FOXI3: variants seen among roughly 807,000 people sequenced by gnomAD.
FOXI3 encodes the protein forkhead box protein I3.
In FOXI3, 4 loss-of-function variants were observed where a neutral mutation model predicts 15.6. That is an observed-to-expected ratio of 0.26 (90% confidence interval 0.13 to 0.59). The LOEUF (loss-of-function observed/expected upper bound fraction) is 0.59, where lower values mean the gene tolerates loss of function less well. FOXI3 is among the 20% of genes least tolerant of loss of function. The pLI, the probability that FOXI3 is intolerant of heterozygous loss-of-function variation, is 0.90. For synonymous variants in FOXI3, 238 were observed against 244.4 expected, an observed-to-expected ratio of 0.97 and a Z score of 0.25; for missense variants, 489 against 548.2, an observed-to-expected ratio of 0.89 and a Z score of 1.08.
At chr2:88,450,721 G>C (rs1284527159) in intron 1 of FOXI3, among the ~76,000 whole-genome samples, 3 of 152,056 alleles carry the variant, frequency 2.0e-5, no homozygotes, top group Non-Finnish European at 4.4e-5. Flanking sequence ...TTCTAGAACT[G>C]CATACCCTGC....
In FOXI3 at chr2:88,448,607, G is replaced by T; in HGVS notation, c.863C>A (p.Pro288Gln). The change falls in exon 2 of 2, where the codon CCA (proline) becomes CAA (glutamine). Residue 288 changes from proline to glutamine, a missense_variant. This residue lies in a region of FOXI3 where 263 missense variants were observed against 285.5 expected (regional missense o/e 0.92). Transcript: ENST00000428390. The stretch of plus-strand genomic sequence containing the variant: ...ACTCTTGGTGCCCTCCGGAGGCTCT[G>T]GGGAGTGGGAAGGCCTCAGCAGAGT... ...PSTLLRPSHSPEPPEGTKSTA... is the reference protein window; with the variant it reads ...PSTLLRPSHSQEPPEGTKSTA... The T allele has an allele frequency of 6.4e-7, 1 of 1,551,632 alleles. No individual in the cohort carries two copies. The highest frequency in any genetic ancestry group is 1.4e-5 in the African/African-American group (1 of 73,176).
chr2:88,452,201 G>C lies in FOXI3; in HGVS notation c.335C>G (p.Pro112Arg), dbSNP rs1573327363. Residue 112 changes from proline (P) to arginine (R), a missense_variant, in exon 1 of 2, where the codon CCC becomes CGC. By Grantham distance (103) the Pro-to-Arg change is moderately radical. Transcript: ENST00000428390. Reference protein sequence around the residue: ...FGCSQRPFAQPAPAAPASPAA... With the variant: ...FGCSQRPFAQRAPAAPASPAA... ...GGGCGAGGCGGGCGCGGCGGGCGCG[G>C]GCTGCGCGAAGGGCCGCTGAGAGCA... 2.5e-6 allele frequency: 3 copies of C among 1,196,830 alleles called. No individual in the cohort carries two copies. In the East Asian group the frequency reaches 1.2e-4, roughly 47 times the overall value. 74.1% of individuals were successfully genotyped at this position (1,196,830 alleles called of 1,614,324 possible).
Position 88,447,825 on chromosome 2 carries a change from C to T in FOXI3, c.*382G>A. On this transcript the variant is annotated 3_prime_UTR_variant, in exon 2 of 2. Transcript: ENST00000428390. ...TGCCAACTGATGTTAGTTTTCTCAC[C>T]CAGTAACTTCGTTGGCTTGTGTTTT... The T allele has an allele frequency of 4.7e-6, 1 of 211,142 alleles. No individual in the cohort carries two copies. Among genetic ancestry groups the T allele is most frequent in the East Asian group, 1.0e-4 (1 of 9,974 alleles). 13.1% of individuals were successfully genotyped at this position (211,142 alleles called of 1,614,324 possible).
chr2:88,448,201 T>A lies in FOXI3; in HGVS notation c.*6A>T. ...AGGTGTGCATACTCAAGTCTGAGAG[T>A]CTGCTCTACACCTCGGAGCCCTCTC... On this transcript the variant is annotated 3_prime_UTR_variant, in exon 2 of 2. Transcript: ENST00000428390. 6.5e-7 allele frequency: 1 copy of A among 1,550,020 alleles called. No individual in the cohort carries two copies.
Position 88,448,848 on chromosome 2 carries a change from C to T in FOXI3, c.641-19G>A, listed in dbSNP as rs753462098. 45 of 1,538,312 alleles carry T rather than the reference C, an allele frequency of 2.9e-5. No individual in the cohort carries two copies. The highest frequency in any genetic ancestry group is 3.7e-5 in the Non-Finnish European group (42 of 1,139,876). On this transcript the variant is annotated intron_variant, in intron 1 of 1. Coordinates refer to ENST00000428390, the MANE Select transcript of FOXI3 (RefSeq NM_001135649.3). ...CCCTTTCCTGAGAAGATGAGAAAGA[C>T]CAAGTTAGAGAAGGACCTATTCAAT...
intron 1 of FOXI3, among the ~76,000 whole-genome samples, chr2:88,451,657 G>A (rs1426659302): frequency 2.0e-5 from 3 of 152,174 alleles, no homozygotes; most frequent in Non-Finnish European, 2.9e-5. Flanking sequence ...TAATTGGCCC[G>A]CCTCTGCGAA....
intron 1 of FOXI3, among the ~76,000 whole-genome samples, chr2:88,449,188 C>T (rs1675999213): frequency 1.3e-5 from 2 of 149,442 alleles, no homozygotes; most frequent in Non-Finnish European, 1.5e-5. Flanking sequence ...TAAAGTTGAG[C>T]GTTAGACTGG....
Position 88,452,284 on chromosome 2 carries a change from GGGCGGC to G in FOXI3, c.246_251del (p.Pro84_Pro85del). On this transcript the variant is annotated inframe_deletion, in exon 1 of 2. Coordinates refer to ENST00000428390, the MANE Select transcript of FOXI3 (RefSeq NM_001135649.3). ...GAAAGGGCCCGGCCGCGGCCCCGGG[GGGCGGC>G]GGCGGCGGCGGAGCGCCCAGGTACG... 1 of 982,414 alleles carries G rather than the reference GGGCGGC, an allele frequency of 1.0e-6. No homozygotes were observed. Among genetic ancestry groups the G allele is most frequent in the Non-Finnish European group, 1.2e-6 (1 of 829,388 alleles). 60.9% of individuals were successfully genotyped at this position (982,414 alleles called of 1,614,324 possible).
chr2:88,448,177 G>A lies in FOXI3; in HGVS notation c.*30C>T, dbSNP rs962271014. The A allele has an allele frequency of 3.8e-5, 58 of 1,540,420 alleles. No individual in the cohort carries two copies. Among genetic ancestry groups the A allele is most frequent in the Non-Finnish European group, 4.8e-5 (55 of 1,139,038 alleles). On this transcript the variant is annotated 3_prime_UTR_variant, in exon 2 of 2. Coordinates refer to ENST00000428390, the MANE Select transcript of FOXI3 (RefSeq NM_001135649.3). ...CTAATCAGCATGTGTGCACGCCTCA[G>A]GTGTGCATACTCAAGTCTGAGAGTC...
Position 88,452,090 on chromosome 2 carries a change from G to T in FOXI3, c.446C>A (p.Ser149Ter). 6.4e-7 allele frequency: 1 copy of T among 1,563,724 alleles called. No individual in the cohort carries two copies. The highest frequency in any genetic ancestry group is 8.7e-7 in the Non-Finnish European group (1 of 1,154,546). The change falls in exon 1 of 2, where the codon TCG (serine) becomes TAG (stop). Residue 149 changes from serine to a stop codon, truncating the protein, a stop_gained. Coordinates refer to ENST00000428390, the MANE Select transcript of FOXI3 (RefSeq NM_001135649.3). LOFTEE classifies it high-confidence loss of function. ...GGCCATGGCGATGAGCGCCGAATAC[G>T]AGTAGGGCGGCCGCACCATCTTCAT... ...DLMKMVRPPY[S>*]YSALIAMAIQ... is the part of the protein sequence containing the mutation.
Position 88,448,632 on chromosome 2 carries a change from T to G in FOXI3, c.838A>C (p.Thr280Pro). The G allele has an allele frequency of 6.4e-7, 1 of 1,551,524 alleles. No individual in the cohort carries two copies. The highest frequency in any genetic ancestry group is 8.7e-7 in the Non-Finnish European group (1 of 1,146,944). The change falls in exon 2 of 2, where the codon ACT (threonine) becomes CCT (proline). Residue 280 changes from threonine (T) to proline (P), a missense_variant. Physicochemically the swap from Thr to Pro is conservative, Grantham distance 38. Transcript: ENST00000428390. ...GGGGAGTGGGAAGGCCTCAGCAGAG[T>G]GGAGGGGCTCTCTTCTTCTGGCTTC... is the stretch of plus-strand genomic sequence containing the variant. ...GGKPEEESPS[T>P]LLRPSHSPEP...
Position 88,452,354 on chromosome 2 carries a change from A to G in FOXI3, c.182T>C (p.Val61Ala), listed in dbSNP as rs1676067183. The change falls in exon 1 of 2, where the codon GTG becomes GCG. Residue 61 changes from valine (V) to alanine (A), a missense_variant. Val to Ala is a moderately conservative substitution (Grantham distance 64, BLOSUM62 0). Transcript: ENST00000428390. The stretch of plus-strand genomic sequence containing the variant: ...GGCGGCGGCGGAGGGCGGGCCTCCC[A>G]CGCCGGGCCCGTTGAGCCACAGGTA... ...NPYLWLNGPG[V>A]GGPPSAAAAA... 1.0e-6 allele frequency: 1 copy of G among 982,322 alleles called. No homozygotes were observed. The highest frequency in any genetic ancestry group is 1.2e-6 in the Non-Finnish European group (1 of 830,492). The allele number at this position is 982,322 out of a possible 1,614,324, so 60.9% of individuals were successfully genotyped here.
At chr2:88,451,046 C>T (rs1676035274) in intron 1 of FOXI3, among the ~76,000 whole-genome samples, 1 of 152,106 alleles carries the variant, frequency 6.6e-6, no homozygotes, top group African/African-American at 2.4e-5. Context: ...ATGGTTTCAT[C>T]TCTTTTCTCT....
At chr2:88,449,952 T>TA (rs910563734) in intron 1 of FOXI3, among the ~76,000 whole-genome samples, 6 of 150,562 alleles carry the variant, frequency 4.0e-5, no homozygotes, top group Middle Eastern at 3.4e-3. Context: ...ACTCAGCATT[T>TA]AAAAAAAAAA....
intron 1 of FOXI3, 151 bp downstream of exon 1, chr2:88,451,745 G>C: frequency 9.0e-7 from 1 of 1,106,002 alleles, no homozygotes; most frequent in African/African-American, 1.6e-5. Flanking sequence ...TTGTCCTCTG[G>C]GTTGGGTGGT....
At position 88,452,451 on chromosome 2, in the gene FOXI3, C is replaced by T; in HGVS notation, c.85G>A (p.Ala29Thr). 1 of 1,048,502 alleles carries T rather than the reference C, an allele frequency of 9.5e-7. No individual in the cohort carries two copies. The highest frequency in any genetic ancestry group is 1.1e-6 in the Non-Finnish European group (1 of 873,578). 64.9% of individuals were successfully genotyped at this position (1,048,502 alleles called of 1,614,324 possible). A position where few individuals can be genotyped will look rare whatever the true frequency, so the allele number is the denominator to read the frequency against. The change falls in exon 1 of 2, where the codon GCC becomes ACC. Residue 29 changes from alanine (A) to threonine (T), a missense_variant. By Grantham distance (58) the Ala-to-Thr change is moderately conservative. Around this residue, in one of 3 missense-constraint regions of FOXI3, gnomAD observed 224 missense variants for 245.7 expected, o/e 0.91. Transcript: ENST00000428390. ...TAAGGCGCCCTGGCTGCCGGGGGGGCGCCCGGGGCGGCGGCGGTGGCGGCG... is the reference window on the plus strand; with the variant it reads ...TAAGGCGCCCTGGCTGCCGGGGGGGTGCCCGGGGCGGCGGCGGTGGCGGCG... ...PPAATAAAPG[A>T]PPAARAPYGL...
chr2:88,451,798 T>A, intron 1 of FOXI3, 98 bp downstream of exon 1: 1 of 1,520,968 alleles, frequency 6.6e-7, no homozygotes, highest in Non-Finnish European at 8.9e-7. Context: ...ACAAGAAGAC[T>A]CCTGGCAGAT....
Position 88,451,923 on chromosome 2 carries a change from T to A in FOXI3, c.613A>T (p.Lys205Ter). 6.2e-7 allele frequency: 1 copy of A among 1,613,746 alleles called. No individual in the cohort carries two copies. Among genetic ancestry groups the A allele is most frequent in the Non-Finnish European group, 8.5e-7 (1 of 1,179,860 alleles). ...HNLSLNDCFK[K>*]VPRDEDDPGK... ...GGGTCGTCCTCGTCGCGGGGCACCTTCTTGAAGCAGTCGTTGAGCGACAGG... is the reference window on the plus strand; with the variant it reads ...GGGTCGTCCTCGTCGCGGGGCACCTACTTGAAGCAGTCGTTGAGCGACAGG... The change falls in exon 1 of 2, where the codon AAG becomes TAG. Residue 205 changes from lysine to a stop codon, truncating the protein, a stop_gained. Coordinates refer to ENST00000428390, the MANE Select transcript of FOXI3 (RefSeq NM_001135649.3). LOFTEE classifies it low-confidence loss of function (END_TRUNC).
Position 88,452,282 on chromosome 2 carries a change from G to C in FOXI3, c.254C>G (p.Pro85Arg), listed in dbSNP as rs1008353288. The change falls in exon 1 of 2, where the codon CCC becomes CGC. Residue 85 changes from proline (P) to arginine (R), a missense_variant. This residue lies in a region of FOXI3 where 224 missense variants were observed against 245.7 expected (regional missense o/e 0.91). Coordinates refer to ENST00000428390, the MANE Select transcript of FOXI3 (RefSeq NM_001135649.3). ...CAGAAAGGGCCCGGCCGCGGCCCCG[G>C]GGGGCGGCGGCGGCGGCGGAGCGCC... ...YLGAPPPPPP[P>R]GAAAGPFLQP... The C allele has an allele frequency of 6.1e-6, 6 of 983,232 alleles. No individual in the cohort carries two copies. Among genetic ancestry groups the C allele is most frequent in the Non-Finnish European group, 2.4e-6 (2 of 829,980 alleles). The allele number at this position is 983,232 out of a possible 1,614,324, so 60.9% of individuals were successfully genotyped here.
Sources: gnomAD v4.1 joint callset for allele counts (sites outside exome capture counted in the v4.1 genomes callset) on GRCh38, gnomAD v4.1.1 for gene constraint, gnomAD v4.1.1 regional missense constraint, MANE v1.5 for transcripts, NCBI Gene and HGNC (gene_info 2026-07-23, HGNC 2026-07-21) for gene names.